The following DCUN1D1 variants were observed in gnomAD, a reference collection of about 807,000 sequenced individuals.
DCUN1D1 encodes the protein defective in cullin neddylation 1 domain containing 1.
In DCUN1D1, 3 loss-of-function variants were observed where a neutral mutation model predicts 39.0. The observed-to-expected ratio is 0.08, with a 90% CI of 0.04 to 0.20. The LOEUF is 0.20. Among genes scored for constraint, DCUN1D1 ranks in the 10% least tolerant of loss-of-function variants. The probability of loss-of-function intolerance (pLI) is 1.00; values close to 1 mark genes in which losing one functional copy is unlikely to be tolerated. For synonymous variants in DCUN1D1, 82 were observed against 96.3 expected, an observed-to-expected ratio of 0.85 and a Z score of 0.87; for missense variants, 158 against 302.4, an observed-to-expected ratio of 0.52 and a Z score of 3.54.
intron 4 of DCUN1D1, among the ~76,000 whole-genome samples, chr3:182,953,748 A>G (rs1222670351): frequency 6.6e-6 from 1 of 152,160 alleles, no homozygotes; most frequent in Non-Finnish European, 1.5e-5. Flanking sequence ...GTTAAAATAA[A>G]TGGAAGGCAA....
At chr3:182,982,842 A>G (rs982628569), upstream of DCUN1D1, among the ~76,000 whole-genome samples, 5 of 152,014 alleles carry the variant, frequency 3.3e-5, no homozygotes, top group African/African-American at 1.2e-4. Flanking sequence ...ACAGGGTTTC[A>G]CCATGTTTGT....
intron 4 of DCUN1D1, among the ~76,000 whole-genome samples, chr3:182,958,133 G>A (rs986664279): frequency 1.3e-5 from 2 of 151,450 alleles, no homozygotes; most frequent in Admixed American, 1.3e-4. Flanking sequence ...TGAACCCTTA[G>A]AAAGGCTGTT....
Position 182,942,802 on chromosome 3 carries a change from CTG to C in DCUN1D1, c.*2290_*2291del, listed in dbSNP as rs1488845929. ...ATCATTTTTTAGTACAAAATATTCC[CTG>C]TAGCCAGACATTTATCTTCAGAATA... On this transcript the variant is annotated 3_prime_UTR_variant, in exon 7 of 7. Coordinates refer to ENST00000292782, the MANE Select transcript of DCUN1D1 (RefSeq NM_020640.4). The C allele has an allele frequency of 6.6e-6, 1 of 151,138 alleles. No individual in the cohort carries two copies. Among genetic ancestry groups the C allele is most frequent in the African/African-American group, 2.4e-5 (1 of 41,074 alleles). 9.4% of individuals were successfully genotyped at this position (151,138 alleles called of 1,614,324 possible).
chr3:182,966,230 A>G (rs1260075818), intron 1 of DCUN1D1, among the ~76,000 whole-genome samples: 1 of 152,070 alleles, frequency 6.6e-6, no homozygotes, highest in Non-Finnish European at 1.5e-5. Flanking sequence ...CCTAATACCC[A>G]CTATAAAGGA....
intron 4 of DCUN1D1, among the ~76,000 whole-genome samples, chr3:182,960,920 G>A (rs969485226): frequency 6.6e-6 from 1 of 152,124 alleles, no homozygotes; most frequent in Non-Finnish European, 1.5e-5. Context: ...GGTCATGAAT[G>A]AAAAAATGAA....
In DCUN1D1 at chr3:182,939,408, T is replaced by C. The variant is rs902043285; in HGVS notation, c.*5686A>G. 3 of 152,304 alleles carry C rather than the reference T, an allele frequency of 2.0e-5. No homozygotes were observed. Among genetic ancestry groups the C allele is most frequent in the South Asian group, 2.1e-4 (1 of 4,828 alleles). The allele number at this position is 152,304 out of a possible 1,614,324, so 9.4% of individuals were successfully genotyped here. Reference sequence around the variant, plus strand: ...ACACAAAGACATTTATGAATGTTCATAGCATTATTATTCGCAATTTAAAAA... The same window carrying C: ...ACACAAAGACATTTATGAATGTTCACAGCATTATTATTCGCAATTTAAAAA... On this transcript the variant is annotated 3_prime_UTR_variant, in exon 7 of 7. Coordinates refer to ENST00000292782, the MANE Select transcript of DCUN1D1 (RefSeq NM_020640.4).
rs571938022 is a variant in DCUN1D1, at chr3:182,959,390, C to T, written c.520+1836G>A. On this transcript the variant is annotated intron_variant, in intron 4 of 6. Transcript: ENST00000292782. ...CTTTCCGTCACTTCCTCAATCTAAT[C>T]CGTTCATATAATCTGTTTCTCAATA... Among the ~76,000 whole-genome samples, 39 of 150,152 alleles carry T rather than the reference C, an allele frequency of 2.6e-4. No individual in the cohort carries two copies. In the South Asian group the frequency reaches 8.2e-3, roughly 32 times the overall value.
intron 1 of DCUN1D1, among the ~76,000 whole-genome samples, chr3:182,973,142 A>G (rs1360984091): frequency 6.6e-6 from 1 of 152,146 alleles, no homozygotes; most frequent in Non-Finnish European, 1.5e-5. Flanking sequence ...GAAAACACAG[A>G]TAGTATAGAA....
chr3:182,951,949 G>T (rs1302599224), intron 4 of DCUN1D1, among the ~76,000 whole-genome samples: 1 of 151,996 alleles, frequency 6.6e-6, no homozygotes, highest in Admixed American at 6.6e-5. Flanking sequence ...GCCCACCTCG[G>T]CTTCTCAAAG....
chr3:182,976,440 TACATACACACACACAC>T (rs1239458638), intron 1 of DCUN1D1, among the ~76,000 whole-genome samples: 2 of 93,076 alleles, frequency 2.1e-5, no homozygotes, highest in Admixed American at 1.4e-4. Context: ...TACATATACA[TACATACACACACACAC>T]ACACACACAC....
At chr3:182,974,008 T>C (rs1230149932) in intron 1 of DCUN1D1, among the ~76,000 whole-genome samples, 2 of 151,902 alleles carry the variant, frequency 1.3e-5, no homozygotes, top group Non-Finnish European at 2.9e-5. Flanking sequence ...GTGCACTCCT[T>C]TGGGAGGCTG....
chr3:182,954,455 G>A (rs1726923089), intron 4 of DCUN1D1, among the ~76,000 whole-genome samples: 1 of 152,126 alleles, frequency 6.6e-6, no homozygotes. Flanking sequence ...TTCCAACTCT[G>A]GGAAGAAAGA....
chr3:182,972,635 G>A (rs1728000521), intron 1 of DCUN1D1, among the ~76,000 whole-genome samples: 1 of 152,134 alleles, frequency 6.6e-6, no homozygotes, highest in Admixed American at 6.6e-5. Flanking sequence ...CAGCTACTTA[G>A]GAGACTGAGG....
At chr3:182,948,049 C>A (rs1450388908) in intron 4 of DCUN1D1, among the ~76,000 whole-genome samples, 1 of 152,076 alleles carries the variant, frequency 6.6e-6, no homozygotes, top group Admixed American at 6.5e-5. Context: ...TATCTCTGAC[C>A]TCCATCCACT....
intron 1 of DCUN1D1, among the ~76,000 whole-genome samples, chr3:182,977,085 G>T (rs1038459277): frequency 6.6e-6 from 1 of 152,114 alleles, no homozygotes; most frequent in African/African-American, 2.4e-5. Flanking sequence ...ATAACATGGG[G>T]TTTCCTGTGT....
intron 2 of DCUN1D1, among the ~76,000 whole-genome samples, chr3:182,965,240 T>G (rs1382535133): frequency 1.3e-5 from 2 of 152,200 alleles, no homozygotes; most frequent in African/African-American, 2.4e-5. Context: ...AGATTCAGTA[T>G]GCAGGTTTCC....
intron 1 of DCUN1D1, among the ~76,000 whole-genome samples, chr3:182,979,263 T>C (rs1728394034): frequency 6.6e-6 from 1 of 152,126 alleles, no homozygotes; most frequent in African/African-American, 2.4e-5. Context: ...CATATATCCA[T>C]ACATGACAAC....
At chr3:182,948,935 C>T (rs1316727747) in intron 4 of DCUN1D1, among the ~76,000 whole-genome samples, 1 of 151,308 alleles carries the variant, frequency 6.6e-6, no homozygotes, top group Non-Finnish European at 1.5e-5. Flanking sequence ...GTAATCCCAG[C>T]TACTCGGGAG....
At position 182,980,475 on chromosome 3, in the gene DCUN1D1, G is replaced by T. The variant is rs754268431; in HGVS notation, c.3+12C>A. On this transcript the variant is annotated intron_variant, in intron 1 of 6. Coordinates refer to ENST00000292782, the MANE Select transcript of DCUN1D1 (RefSeq NM_020640.4). ...CAGCCGGCAGGGCGGGCGGGCGGCC[G>T]CAGTGCCTCACCATGTTGGTGTCCT... 11 of 1,195,364 alleles carry T rather than the reference G, an allele frequency of 9.2e-6. No homozygotes were observed. Among genetic ancestry groups the T allele is most frequent in the Non-Finnish European group, 1.1e-6 (1 of 948,750 alleles). 74.0% of individuals were successfully genotyped at this position (1,195,364 alleles called of 1,614,324 possible).
Sources: gnomAD v4.1 joint callset for allele counts (sites outside exome capture counted in the v4.1 genomes callset) on GRCh38, gnomAD v4.1.1 for gene constraint, MANE v1.5 for transcripts, NCBI Gene and HGNC (gene_info 2026-07-23, HGNC 2026-07-21) for gene names.